Variants in CAMTA1 observed in about 807,000 individuals in gnomAD.
CAMTA1 encodes calmodulin binding transcription activator 1.
CAMTA1 carries 27 observed loss-of-function variants against 170.9 expected under a neutral mutation model. The observed-to-expected ratio is 0.16, with a 90% CI of 0.12 to 0.22. The LOEUF (loss-of-function observed/expected upper bound fraction) is 0.22, where lower values mean the gene tolerates loss of function less well. Ranked by LOEUF, CAMTA1 falls within the 10% of genes least tolerant of loss-of-function variation. The probability of loss-of-function intolerance (pLI) is 1.00; values close to 1 mark genes in which losing one functional copy is unlikely to be tolerated. For missense variants in CAMTA1, 1,619 were observed against 2,217.2 expected (o/e 0.73, Z 5.42); for synonymous variants, 833 against 891.5 (o/e 0.93, Z 1.17).
rs1042489507 is a variant in CAMTA1, at chr1:7,051,525, G to A, written c.235-39779G>A. Among the ~76,000 whole-genome samples the A allele has an allele frequency of 2.0e-5, 3 of 152,210 alleles. 1 individual carries two copies. The highest frequency in any genetic ancestry group is 4.1e-4 in the South Asian group (2 of 4,830). ...TCCCGCTACCCAGCGCTGTGAGTGGGGTCTTCCAGTGGGTCCTGATTGCCA... is the reference window on the plus strand; with the variant it reads ...TCCCGCTACCCAGCGCTGTGAGTGGAGTCTTCCAGTGGGTCCTGATTGCCA... On this transcript the variant is annotated intron_variant, in intron 3 of 22. Coordinates refer to ENST00000303635, the MANE Select transcript of CAMTA1 (RefSeq NM_015215.4).
intron 3 of CAMTA1, among the ~76,000 whole-genome samples, chr1:6,839,626 G>C (rs925810230): frequency 1.5e-4 from 23 of 152,122 alleles, no homozygotes; most frequent in African/African-American, 5.6e-4. Flanking sequence ...AGGGTACTGA[G>C]GTGTGAGCAC....
intron 5 of CAMTA1, among the ~76,000 whole-genome samples, chr1:7,307,165 A>AT (rs1184815997): frequency 6.6e-6 from 1 of 151,938 alleles, no homozygotes; most frequent in Non-Finnish European, 1.5e-5. Flanking sequence ...TGCTCTATAT[A>AT]TTTTTTATTA....
intron 3 of CAMTA1, among the ~76,000 whole-genome samples, chr1:6,940,418 A>G (rs926404512): frequency 7.4e-6 from 1 of 135,860 alleles, no homozygotes; most frequent in Non-Finnish European, 1.7e-5. Context: ...AGTGGATTGG[A>G]TGATGCCCCC....
In CAMTA1 at chr1:7,044,060, G is replaced by A. The variant is rs1328929885; in HGVS notation, c.235-47244G>A. On this transcript the variant is annotated intron_variant, in intron 3 of 22. Coordinates refer to ENST00000303635, the MANE Select transcript of CAMTA1 (RefSeq NM_015215.4). The surrounding 1 kb of genome is among the most constrained non-coding windows in gnomAD (Gnocchi z 5.0). ...GAGGGCCATTAGGGCTGCCAGCGGA[G>A]GTCAGGAGCAGTGATCTACGGGAGA... 6.6e-6 allele frequency among the ~76,000 whole-genome samples: 1 copy of A among 152,254 alleles called. No individual in the cohort carries two copies. Among genetic ancestry groups the A allele is most frequent in the African/African-American group, 2.4e-5 (1 of 41,468 alleles).
In CAMTA1 at chr1:7,234,887, A is replaced by G. The variant is rs755124355; in HGVS notation, c.303-14604A>G. ...CTGCAACCTCCACTTCCCAGGTTCA[A>G]GCGATTCTTGCACCTCAGCCTCATG... On this transcript the variant is annotated intron_variant, in intron 4 of 22. Transcript: ENST00000303635. The surrounding 1 kb of genome is among the most constrained non-coding windows in gnomAD (Gnocchi z 5.0). Among the ~76,000 whole-genome samples the G allele has an allele frequency of 2.0e-5, 3 of 151,548 alleles. No individual in the cohort carries two copies. The highest frequency in any genetic ancestry group is 4.4e-5 in the Non-Finnish European group (3 of 67,956).
chr1:7,387,856 C>G (rs981786070), intron 5 of CAMTA1, among the ~76,000 whole-genome samples: 4 of 152,218 alleles, frequency 2.6e-5, no homozygotes, highest in African/African-American at 9.6e-5. Flanking sequence ...CACAATTGAT[C>G]TTTGCTTTGA....
Position 7,519,737 on chromosome 1 carries a change from CCTCCTCAGGGGCTCCTTCT to C in CAMTA1, c.510+51841_510+51859del, listed in dbSNP as rs1053782474. ...TGGGCTAATCCTTTGTCCCCTTACT[CCTCCTCAGGGGCTCCTTCT>C]CTCCCTGACAGGTGCCACCATCTAT... On this transcript the variant is annotated intron_variant, in intron 6 of 22. Coordinates refer to ENST00000303635, the MANE Select transcript of CAMTA1 (RefSeq NM_015215.4). Among the ~76,000 whole-genome samples, 16 of 151,750 alleles carry C rather than the reference CCTCCTCAGGGGCTCCTTCT, an allele frequency of 1.1e-4. 1 individual carries two copies. The highest frequency in any genetic ancestry group is 3.4e-4 in the African/African-American group (14 of 41,102).
In CAMTA1 at chr1:6,887,940, T is replaced by A; in HGVS notation, c.234+62730T>A. The A allele has an allele frequency of 1.5e-6, 2 of 1,315,670 alleles. No homozygotes were observed. The allele number at this position is 1,315,670 out of a possible 1,614,324, so 81.5% of individuals were successfully genotyped here. On this transcript the variant is annotated intron_variant, in intron 3 of 22. Coordinates refer to ENST00000303635, the MANE Select transcript of CAMTA1 (RefSeq NM_015215.4). The surrounding 1 kb of genome is among the most constrained non-coding windows in gnomAD (Gnocchi z 4.1). ...AAGGAGCTCCGCAGCCTGACTGAGCTCTGGAGAGCAGGGCTCTGTGCACAC... is the reference window on the plus strand; with the variant it reads ...AAGGAGCTCCGCAGCCTGACTGAGCACTGGAGAGCAGGGCTCTGTGCACAC...
At chr1:7,715,327 A>G (rs1287978161) in intron 11 of CAMTA1, among the ~76,000 whole-genome samples, 1 of 152,142 alleles carries the variant, frequency 6.6e-6, no homozygotes, top group Non-Finnish European at 1.5e-5. Context: ...GTTTTGTTCC[A>G]TTATTTAACC....
chr1:7,729,002 A>G (rs1054452237), intron 11 of CAMTA1, among the ~76,000 whole-genome samples: 15 of 152,146 alleles, frequency 9.9e-5, no homozygotes, highest in Admixed American at 9.8e-4. Context: ...GTGTCTGTCC[A>G]TCCATAGTTG....
chr1:6,876,640 G>A (rs988631220), intron 3 of CAMTA1, among the ~76,000 whole-genome samples: 3 of 152,194 alleles, frequency 2.0e-5, no homozygotes, highest in African/African-American at 7.2e-5. Flanking sequence ...TGGGATTACC[G>A]TGGTGAGCTG....
chr1:7,177,718 A>T (rs527500839), intron 4 of CAMTA1, among the ~76,000 whole-genome samples: 2 of 146,796 alleles, frequency 1.4e-5, no homozygotes, highest in East Asian at 4.2e-4. Flanking sequence ...AGTCCCACAC[A>T]TTGATTACCC....
At chr1:7,103,780 A>G (rs1308545521) in intron 4 of CAMTA1, among the ~76,000 whole-genome samples, 3 of 149,722 alleles carry the variant, frequency 2.0e-5, no homozygotes, top group Non-Finnish European at 4.4e-5. Flanking sequence ...AACACACATA[A>G]CTACACGTAC....
At chr1:7,429,019 G>A (rs1376521853) in intron 5 of CAMTA1, among the ~76,000 whole-genome samples, 1 of 152,204 alleles carries the variant, frequency 6.6e-6, no homozygotes, top group African/African-American at 2.4e-5. Flanking sequence ...CGCCTCTAAT[G>A]GAGAAGTTTC....
chr1:7,661,895 C>T (rs574869412), intron 8 of CAMTA1, 29 bp downstream of exon 8: 26 of 1,575,878 alleles, frequency 1.6e-5, no homozygotes, highest in Middle Eastern at 1.7e-4. Flanking sequence ...GGCAGGCGGG[C>T]GCCACGGGGA....
Position 6,798,123 on chromosome 1 carries a change from G to A in CAMTA1, c.45+12548G>A, listed in dbSNP as rs562839046. 2.0e-5 allele frequency among the ~76,000 whole-genome samples: 3 copies of A among 151,696 alleles called. No individual in the cohort carries two copies. The South Asian group carries it at 6.3e-4, about 32-fold the overall frequency. On this transcript the variant is annotated intron_variant, in intron 1 of 22. Transcript: ENST00000303635. The stretch of plus-strand genomic sequence containing the variant: ...GCGATTCTCCTGCCTCGCCCCCCAA[G>A]TAGCTAGGATTACAGGTGCTGAACA...
At chr1:7,082,279 A>C (rs951573276) in intron 3 of CAMTA1, among the ~76,000 whole-genome samples, 38 of 152,178 alleles carry the variant, frequency 2.5e-4, no homozygotes, top group Non-Finnish European at 5.3e-4. Context: ...CTCTACTAAA[A>C]ATACAAAAAT....
chr1:7,013,622 A>G (rs1700132123), intron 3 of CAMTA1, among the ~76,000 whole-genome samples: 1 of 152,152 alleles, frequency 6.6e-6, no homozygotes, highest in African/African-American at 2.4e-5. Flanking sequence ...TCAGCTGTGC[A>G]CTGTTCCTGG....
At chr1:7,622,098 G>C (rs890450466) in intron 6 of CAMTA1, among the ~76,000 whole-genome samples, 2 of 152,196 alleles carry the variant, frequency 1.3e-5, no homozygotes, top group Non-Finnish European at 2.9e-5. Context: ...GAGGTATGGG[G>C]GGAGGAGGAG....
Sources: allele counts gnomAD v4.1 joint callset (sites outside exome capture counted in the v4.1 genomes callset), GRCh38; gene constraint gnomAD v4.1.1; non-coding constraint Gnocchi (gnomAD v3.1); transcripts MANE v1.5; gene names NCBI Gene and HGNC (gene_info 2026-07-23, HGNC 2026-07-21).